The following EPS15 variants were observed in gnomAD, a reference collection of about 807,000 sequenced individuals.
EPS15 encodes the protein epidermal growth factor receptor substrate 15.
A neutral mutation model predicts 113.8 loss-of-function variants in EPS15; 72 were observed. The observed-to-expected ratio is 0.63, with a 90% confidence interval of 0.52 to 0.77. EPS15 has a LOEUF of 0.77. Ranked by LOEUF, EPS15 falls within the 30% of genes least tolerant of loss-of-function variation. EPS15 has a pLI of 0.00. For synonymous variants in EPS15, 344 were observed against 363.4 expected (o/e 0.95, Z 0.61); for missense variants, 1,048 against 1,045.8 (o/e 1.00, Z -0.03).
chr1:51,465,636 C>T (rs1197692916), intron 5 of EPS15, among the ~76,000 whole-genome samples: 1 of 151,948 alleles, frequency 6.6e-6, no homozygotes, highest in Non-Finnish European at 1.5e-5. Flanking sequence ...TGGGTTCAAG[C>T]GATTCTCCTG....
In EPS15 at chr1:51,402,457, G is replaced by GA. The variant is rs1176042660; in HGVS notation, c.1859dup (p.Gln621ProfsTer3). The GA allele has an allele frequency of 1.9e-6, 3 of 1,582,542 alleles. No homozygotes were observed. The highest frequency in any genetic ancestry group is 2.6e-6 in the Non-Finnish European group (3 of 1,159,184). ...TACTGCCAACAAAAGGATCAGACTG[G>GA]AAAAAATCCAAGTTTGTATCTGCAA... On this transcript the variant is annotated frameshift_variant, in exon 18 of 25. Coordinates refer to ENST00000371733, the MANE Select transcript of EPS15 (RefSeq NM_001981.3). LOFTEE classifies it high-confidence loss of function.
At chr1:51,415,559 G>A (rs942680928) in intron 13 of EPS15, among the ~76,000 whole-genome samples, 1 of 151,944 alleles carries the variant, frequency 6.6e-6, no homozygotes, top group African/African-American at 2.4e-5. Context: ...CACTTTGGGA[G>A]GCTGAGGCTG....
At chr1:51,477,759 T>C (rs1356674411) in intron 2 of EPS15, among the ~76,000 whole-genome samples, 1 of 152,102 alleles carries the variant, frequency 6.6e-6, no homozygotes, top group Admixed American at 6.6e-5. Context: ...TGTAGTTGAG[T>C]GGTTTTGAGT....
At chr1:51,512,664 GA>G (rs202204702) in intron 1 of EPS15, among the ~76,000 whole-genome samples, 2 of 149,038 alleles carry the variant, frequency 1.3e-5, no homozygotes, top group South Asian at 2.1e-4. Context: ...GGTTTCAAAG[GA>G]AAAAAAAATA....
At chr1:51,375,784 T>C (rs1646782509) in intron 21 of EPS15, among the ~76,000 whole-genome samples, 1 of 152,080 alleles carries the variant, frequency 6.6e-6, no homozygotes, top group South Asian at 2.1e-4. Flanking sequence ...AAGAAGACAA[T>C]GTAGGAAAAG....
chr1:51,409,582 C>G lies in EPS15; in HGVS notation c.1228G>C (p.Glu410Gln). The G allele has an allele frequency of 6.2e-7, 1 of 1,613,972 alleles. No homozygotes were observed. The highest frequency in any genetic ancestry group is 8.5e-7 in the Non-Finnish European group (1 of 1,179,968). Residue 410 changes from glutamate to glutamine, a missense_variant, in exon 14 of 25, where the codon GAG becomes CAG. Coordinates refer to ENST00000371733, the MANE Select transcript of EPS15 (RefSeq NM_001981.3). ...ELDEQKAQLE[E>Q]QLKEVRKKCA... ...TTCTTTCTGACTTCCTTGAGTTGCT[C>G]CTCCAGCTGGGCTTTCTGCTCATCC...
chr1:51,485,139 C>A (rs1480036707), intron 1 of EPS15, among the ~76,000 whole-genome samples: 1 of 152,158 alleles, frequency 6.6e-6, no homozygotes, highest in African/African-American at 2.4e-5. Flanking sequence ...TATCATGGAG[C>A]TCTAGTGACA....
At chr1:51,445,113 C>A in intron 10 of EPS15, 68 bp from the exon 11 acceptor site, 1 of 1,389,918 alleles carries the variant, frequency 7.2e-7, no homozygotes, top group South Asian at 1.3e-5. Flanking sequence ...GAAAAAGTAC[C>A]ACTATGCAGC....
At chr1:51,445,687 T>C (rs763121169) in intron 10 of EPS15, among the ~76,000 whole-genome samples, 6 of 151,928 alleles carry the variant, frequency 3.9e-5, no homozygotes, top group Non-Finnish European at 8.8e-5. Context: ...ATCTGTTTAA[T>C]GCACTGAAGG....
At chr1:51,493,456 C>CGGAG (rs1402447698) in intron 1 of EPS15, among the ~76,000 whole-genome samples, 1 of 150,232 alleles carries the variant, frequency 6.7e-6, no homozygotes, top group Non-Finnish European at 1.5e-5. Context: ...ACTCAGGAGG[C>CGGAG]GGAGCTTGCA....
chr1:51,383,889 C>T (rs1307719796), intron 21 of EPS15, among the ~76,000 whole-genome samples: 1 of 152,126 alleles, frequency 6.6e-6, no homozygotes, highest in Admixed American at 6.5e-5. Flanking sequence ...GAATTTGGCA[C>T]AGTAGCAGGA....
chr1:51,405,399 A>G (rs931172939), intron 16 of EPS15, among the ~76,000 whole-genome samples: 1 of 152,214 alleles, frequency 6.6e-6, no homozygotes, highest in Non-Finnish European at 1.5e-5. Context: ...CAGGCTCTAC[A>G]AAAAATAAAT....
intron 12 of EPS15, among the ~76,000 whole-genome samples, chr1:51,434,502 A>C (rs1651980330): frequency 6.6e-6 from 1 of 152,208 alleles, no homozygotes; most frequent in South Asian, 2.1e-4. Flanking sequence ...AGTCAAAATC[A>C]TAGAGATAGA....
At chr1:51,442,313 T>C (rs1013390803) in intron 11 of EPS15, among the ~76,000 whole-genome samples, 2 of 152,076 alleles carry the variant, frequency 1.3e-5, no homozygotes, top group Non-Finnish European at 2.9e-5. Flanking sequence ...CTATCAGAAA[T>C]TTGCTATCAG....
At chr1:51,400,712 C>CA (rs375748381) in intron 19 of EPS15, among the ~76,000 whole-genome samples, 10,227 of 59,750 alleles carry the variant, frequency 0.17, 672 homozygotes, top group African/African-American at 0.27. Flanking sequence ...CAAAAAACAC[C>CA]AAAAAAAAAA....
chr1:51,438,984 A>AGCCAATCC lies in EPS15; in HGVS notation c.1040+1355_1040+1362dup, dbSNP rs556924378. ...TTTATGTCATAGGAAAAGGCCAATA[A>AGCCAATCC]GCCAATCCAATCAGACTGAATTTCA... On this transcript the variant is annotated intron_variant, in intron 12 of 24. Coordinates refer to ENST00000371733, the MANE Select transcript of EPS15 (RefSeq NM_001981.3). Among the ~76,000 whole-genome samples, 103 of 152,274 alleles carry AGCCAATCC rather than the reference A, an allele frequency of 6.8e-4. No individual in the cohort carries two copies. The Middle Eastern group carries it at 0.014, about 20-fold the overall frequency.
In EPS15 at chr1:51,408,141, A is replaced by G; in HGVS notation, c.1467T>C (p.Ile489=). ...TTGCTTTACAAAGACTTACTGAACTAATTTCCTGTTGTGAATCTTGTAGGT... is the reference window on the plus strand; with the variant it reads ...TTGCTTTACAAAGACTTACTGAACTGATTTCCTGTTGTGAATCTTGTAGGT... ...QQHLQDSQQE[I]SSMQMKLMEM... Residue 489 remains isoleucine (I), a synonymous_variant, in exon 15 of 25, where the codon ATT becomes ATC. Coordinates refer to ENST00000371733, the MANE Select transcript of EPS15 (RefSeq NM_001981.3). 1 of 1,613,756 alleles carries G rather than the reference A, an allele frequency of 6.2e-7. No individual in the cohort carries two copies. Among genetic ancestry groups the G allele is most frequent in the Non-Finnish European group, 8.5e-7 (1 of 1,179,638 alleles).
intron 1 of EPS15, chr1:51,518,183 T>G (rs992080156): frequency 6.6e-6 from 1 of 152,406 alleles, no homozygotes; most frequent in African/African-American, 2.4e-5. Context: ...CACCTTATCA[T>G]CCCGGACACC....
At chr1:51,500,719 T>C (rs902340387) in intron 1 of EPS15, among the ~76,000 whole-genome samples, 2 of 152,124 alleles carry the variant, frequency 1.3e-5, no homozygotes, top group African/African-American at 4.8e-5. Context: ...GTGCAGTGGC[T>C]CACGTCTGTA....
Sources: gnomAD v4.1 joint callset for allele counts (sites outside exome capture counted in the v4.1 genomes callset) on GRCh38, gnomAD v4.1.1 for gene constraint, MANE v1.5 for transcripts, NCBI Gene and HGNC (gene_info 2026-07-23, HGNC 2026-07-21) for gene names.